The following RIPK1 variants were observed in gnomAD, a reference collection of about 807,000 sequenced individuals.
RIPK1 encodes the protein receptor interacting serine/threonine kinase 1, also known as receptor-interacting serine/threonine-protein kinase 1.
Under a neutral mutation model 62.4 loss-of-function variants are expected in RIPK1, and 27 were observed. The ratio of observed to expected loss-of-function variants is 0.43; its 90% confidence interval spans 0.32 to 0.60. The LOEUF is 0.60. Ranked by LOEUF, RIPK1 falls within the 20% of genes least tolerant of loss-of-function variation. RIPK1 has a pLI of 0.07. For missense variants in RIPK1, 735 were observed against 831.0 expected (o/e 0.88, Z 1.42); for synonymous variants, 287 against 303.2 (o/e 0.95, Z 0.55).
At chr6:3,074,622 C>G (rs755534757) in intron 1 of RIPK1, among the ~76,000 whole-genome samples, 2 of 152,014 alleles carry the variant, frequency 1.3e-5, no homozygotes, top group African/African-American at 2.4e-5. Context: ...ATTTTATGCC[C>G]CAGAAAGAGT....
intron 7 of RIPK1, among the ~76,000 whole-genome samples, chr6:3,095,942 C>T (rs781641410): frequency 3.3e-5 from 5 of 151,496 alleles, no homozygotes; most frequent in South Asian, 2.1e-4. Context: ...CCTCCCAGGC[C>T]GAAGCAATCC....
chr6:3,098,679 C>G (rs906104291), intron 7 of RIPK1, among the ~76,000 whole-genome samples: 1 of 152,154 alleles, frequency 6.6e-6, no homozygotes, highest in Admixed American at 6.5e-5. Context: ...AGGAGGAGAT[C>G]AGAACAGTGT....
At chr6:3,095,351 A>G (rs1342180107) in intron 7 of RIPK1, among the ~76,000 whole-genome samples, 2 of 152,242 alleles carry the variant, frequency 1.3e-5, no homozygotes, top group African/African-American at 4.8e-5. Context: ...AGAGAGCTTC[A>G]TCAATGATTT....
chr6:3,076,895 C>T lies in RIPK1; in HGVS notation c.72C>T (p.Asp24=). 6.2e-7 allele frequency: 1 copy of T among 1,609,712 alleles called. No individual in the cohort carries two copies. Among genetic ancestry groups the T allele is most frequent in the Non-Finnish European group, 8.5e-7 (1 of 1,176,588 alleles). The change falls in exon 2 of 11, where the codon GAC becomes GAT. Residue 24 remains aspartate (D), a synonymous_variant. Transcript: ENST00000259808. ...ACTTCCTGGAGAGTGCAGAACTGGA[C>T]AGCGGAGGCTTTGGGAAGGTGTCTC... ...SSDFLESAEL[D]SGGFGKVSLC...
rs112535645 is a variant in RIPK1 at position 3,077,095 on chromosome 6, G to A, written c.164+108G>A. ...AGCCGTTGGTGGGTAGAGTGAGAGG[G>A]AGCCTGCCAAGATGTCAGGGTGACG... is the stretch of plus-strand genomic sequence containing the variant. On this transcript the variant is annotated intron_variant, in intron 2 of 10. Transcript: ENST00000259808. 833 of 1,034,164 alleles carry A rather than the reference G, an allele frequency of 8.1e-4. 7 individuals are homozygous for A. In the African/African-American group the frequency reaches 0.012, roughly 15 times the overall value. 64.1% of individuals were successfully genotyped at this position (1,034,164 alleles called of 1,614,324 possible). A position where few individuals can be genotyped will look rare whatever the true frequency, so the allele number is the denominator to read the frequency against.
intron 7 of RIPK1, among the ~76,000 whole-genome samples, chr6:3,103,654 T>G (rs1760693562): frequency 6.6e-6 from 1 of 152,218 alleles, no homozygotes; most frequent in African/African-American, 2.4e-5. Flanking sequence ...TGTATTATTT[T>G]TACTCTTTAC....
At chr6:3,110,714 G>A (rs780961207) in intron 9 of RIPK1, 89 bp from the exon 10 acceptor site, 14 of 767,904 alleles carry the variant, frequency 1.8e-5, no homozygotes, top group Non-Finnish European at 2.8e-5. Context: ...CTTAATGTTT[G>A]GCATAAAGCC....
At position 3,115,107 on chromosome 6, in the gene RIPK1, A is replaced by G. The variant is rs1190140771; in HGVS notation, c.*1768A>G. ...GTGTTATCAAATCTCTTAGATTCCA[A>G]AGAGGTTGAATAATTAATGTTCAAA... On this transcript the variant is annotated 3_prime_UTR_variant, in exon 11 of 11. Coordinates refer to ENST00000259808, the MANE Select transcript of RIPK1 (RefSeq NM_001354930.2). 3.3e-5 allele frequency: 5 copies of G among 152,034 alleles called. No individual in the cohort carries two copies. In the East Asian group the frequency reaches 9.7e-4, roughly 29 times the overall value. The allele number at this position is 152,034 out of a possible 1,614,324, so 9.4% of individuals were successfully genotyped here.
In RIPK1 at chr6:3,104,268, C is replaced by G; in HGVS notation, c.959C>G (p.Ser320Cys). 1 of 1,605,216 alleles carries G rather than the reference C, an allele frequency of 6.2e-7. No individual in the cohort carries two copies. The highest frequency in any genetic ancestry group is 8.5e-7 in the Non-Finnish European group (1 of 1,172,508). The change falls in exon 8 of 11, where the codon TCT becomes TGT. Residue 320 changes from serine (S) to cysteine (C), a missense_variant. Ser to Cys is a moderately radical substitution (Grantham distance 112). Coordinates refer to ENST00000259808, the MANE Select transcript of RIPK1 (RefSeq NM_001354930.2). ...AATGCAGTTGTGAAGAGAATGCAGT[C>G]TCTTCAACTTGATTGTGTGGCAGTA... ...NENAVVKRMQ[S>C]LQLDCVAVPS...
intron 1 of RIPK1, 40 bp from the exon 2 acceptor site, chr6:3,076,724 A>ATATATATATATATATATATATG: frequency 1.6e-6 from 1 of 622,612 alleles, no homozygotes; most frequent in Non-Finnish European, 2.5e-6. Context: ...ATATATATAT[A>ATATATATATATATATATATATG]TAGTCTTGCC....
At position 3,104,206 on chromosome 6, in the gene RIPK1, T is replaced by C. The variant is rs1277703841; in HGVS notation, c.916-19T>C. ...TTCCTGCTGTTCACTAAAGTGTGTA[T>C]TTATGCTCTTAATTATAGAAAGAGT... On this transcript the variant is annotated intron_variant, in intron 7 of 10. Transcript: ENST00000259808. 8.3e-7 allele frequency: 1 copy of C among 1,208,678 alleles called. No homozygotes were observed. Among genetic ancestry groups the C allele is most frequent in the African/African-American group, 1.5e-5 (1 of 66,680 alleles). 74.9% of individuals were successfully genotyped at this position (1,208,678 alleles called of 1,614,324 possible). A position where few individuals can be genotyped will look rare whatever the true frequency, so the allele number is the denominator to read the frequency against.
In RIPK1 at chr6:3,089,480, C is replaced by T. The variant is rs544660186; in HGVS notation, c.839-101C>T. 771 of 677,040 alleles carry T rather than the reference C, an allele frequency of 1.1e-3. 5 individuals are homozygous for T. In the African/African-American group the frequency reaches 0.013, roughly 11 times the overall value. The allele number at this position is 677,040 out of a possible 1,614,324, so 41.9% of individuals were successfully genotyped here. ...GCTTAAATTTTTATTTAAGCTTTGC[C>T]CACAGATTGAGGTAAGTAATTCAAA... On this transcript the variant is annotated intron_variant, in intron 6 of 10. Transcript: ENST00000259808.
chr6:3,078,547 T>A (rs1000537604), intron 3 of RIPK1, among the ~76,000 whole-genome samples: 1 of 152,220 alleles, frequency 6.6e-6, no homozygotes, highest in Non-Finnish European at 1.5e-5. Context: ...GTCTTCATGA[T>A]GCAGACATCA....
chr6:3,073,908 G>A (rs1319232559), intron 1 of RIPK1, among the ~76,000 whole-genome samples: 1 of 152,208 alleles, frequency 6.6e-6, no homozygotes, highest in Non-Finnish European at 1.5e-5. Context: ...AACACCGCTT[G>A]CTTCATCGTG....
rs138054420 is a variant in RIPK1, at chr6:3,072,608, C to T, written c.-61+3947C>T. Among the ~76,000 whole-genome samples, 487 of 152,164 alleles carry T rather than the reference C, an allele frequency of 3.2e-3. 2 individuals are homozygous for T. The highest frequency in any genetic ancestry group is 4.2e-3 in the Non-Finnish European group (284 of 67,992). On this transcript the variant is annotated intron_variant, in intron 1 of 10. Transcript: ENST00000259808. This position sits in a 1 kb window ranked among gnomAD's most constrained non-coding sequence, Gnocchi z 5.6. Reference sequence around the variant, plus strand: ...CCGGCATACGTTGGGTTCTGCTAGGCTCTGGAGATGGTGCACAAGACAAGT... The same window carrying T: ...CCGGCATACGTTGGGTTCTGCTAGGTTCTGGAGATGGTGCACAAGACAAGT...
At chr6:3,087,179 AGTT>A (rs1759742048) in intron 6 of RIPK1, among the ~76,000 whole-genome samples, 1 of 151,838 alleles carries the variant, frequency 6.6e-6, no homozygotes, top group Admixed American at 6.6e-5. Flanking sequence ...TCAGAGATTT[AGTT>A]GTTATTTATC....
rs10526418 is a variant in RIPK1 at position 3,076,699 on chromosome 6, C to CATATATAT, written c.-60-45_-60-38dup. 1.6e-3 allele frequency: 359 copies of CATATATAT among 217,712 alleles called. 16 individuals carry two copies. The highest frequency in any genetic ancestry group is 9.0e-3 in the African/African-American group (218 of 24,172). The allele number at this position is 217,712 out of a possible 1,614,324, so 13.5% of individuals were successfully genotyped here. A position where few individuals can be genotyped will look rare whatever the true frequency, so the allele number is the denominator to read the frequency against. On this transcript the variant is annotated intron_variant, in intron 1 of 10. Coordinates refer to ENST00000259808, the MANE Select transcript of RIPK1 (RefSeq NM_001354930.2). ...TGTCTCCAAAGGAGAAAAAAAAAAA[C>CATATATAT]ATATATATATATATATATATATATA...
intron 1 of RIPK1, among the ~76,000 whole-genome samples, chr6:3,074,897 G>A (rs1424517526): frequency 6.6e-6 from 1 of 152,148 alleles, no homozygotes; most frequent in African/African-American, 2.4e-5. Context: ...GGCCAGGCTG[G>A]TCTTGAACTC....
intron 1 of RIPK1, 63 bp from the exon 2 acceptor site, chr6:3,076,701 T>TACATAC (rs140553992): frequency 2.9e-5 from 7 of 243,914 alleles, no homozygotes; most frequent in African/African-American, 9.1e-5. Flanking sequence ...AAAAAAAACA[T>TACATAC]ATATATATAT....
Sources: gnomAD v4.1 joint callset for allele counts (sites outside exome capture counted in the v4.1 genomes callset) on GRCh38, gnomAD v4.1.1 for gene constraint, Gnocchi (gnomAD v3.1) non-coding constraint, MANE v1.5 for transcripts, NCBI Gene and HGNC (gene_info 2026-07-23, HGNC 2026-07-21) for gene names.